The following FGF12 variants were observed in gnomAD, a reference collection of about 807,000 sequenced individuals.
The protein encoded by FGF12 is fibroblast growth factor 12, also known as fibroblast growth factor 12B.
Under a neutral mutation model 23.6 loss-of-function variants are expected in FGF12, and 14 were observed. That is an observed-to-expected ratio of 0.59 (90% CI 0.39 to 0.93). FGF12 has a LOEUF of 0.93. Ranked by LOEUF, FGF12 falls within the 40% of genes least tolerant of loss-of-function variation. The probability of loss-of-function intolerance (pLI) is 0.00; values close to 1 mark genes in which losing one functional copy is unlikely to be tolerated. For missense variants in FGF12, 175 were observed against 217.8 expected, an observed-to-expected ratio of 0.80 and a Z score of 1.24; for synonymous variants, 62 against 77.3, an observed-to-expected ratio of 0.80 and a Z score of 1.04.
At chr3:192,278,857 T>C (rs144484580) in intron 4 of FGF12, among the ~76,000 whole-genome samples, 15 of 152,250 alleles carry the variant, frequency 9.9e-5, no homozygotes, top group African/African-American at 3.6e-4. Flanking sequence ...AATTCTCTGG[T>C]TCCCTTCCTG....
intron 3 of FGF12, among the ~76,000 whole-genome samples, chr3:192,357,019 T>C (rs1178383506): frequency 6.6e-6 from 1 of 152,194 alleles, no homozygotes; most frequent in African/African-American, 2.4e-5. Context: ...AACATTTTAA[T>C]AAAAGCTATA....
chr3:192,194,031 A>G (rs1363421469), intron 4 of FGF12, among the ~76,000 whole-genome samples: 1 of 152,246 alleles, frequency 6.6e-6, no homozygotes, highest in Non-Finnish European at 1.5e-5. Context: ...TCTCCAACTC[A>G]TACAGCCCTG....
intron 2 of FGF12, among the ~76,000 whole-genome samples, chr3:192,677,767 G>A (rs369256601): frequency 3.8e-4 from 58 of 152,224 alleles, no homozygotes; most frequent in Middle Eastern, 3.4e-3. Context: ...CCTGTCTTCC[G>A]TCTCACACAG....
intron 2 of FGF12, among the ~76,000 whole-genome samples, chr3:192,411,325 T>C (rs1195865559): frequency 6.6e-6 from 1 of 152,158 alleles, no homozygotes; most frequent in Non-Finnish European, 1.5e-5. Context: ...TAGAGGCTCA[T>C]GGGACAAACA....
At position 192,522,702 on chromosome 3, in the gene FGF12, A is replaced by G. The variant is rs1466747951; in HGVS notation, c.14-162164T>C. Among the ~76,000 whole-genome samples the G allele has an allele frequency of 2.6e-5, 4 of 152,254 alleles. No individual in the cohort carries two copies. The East Asian group carries it at 7.7e-4, about 29-fold the overall frequency. On this transcript the variant is annotated intron_variant, in intron 2 of 5. Transcript: ENST00000445105. ...TATTTGATAGTAGTGATACTAATCT[A>G]TCAATAAGGAACTAACTTACATTTT...
rs1440230726 is a variant in FGF12, at chr3:192,727,200, C to T, written c.-7G>A. 1 of 1,579,090 alleles carries T rather than the reference C, an allele frequency of 6.3e-7. No individual in the cohort carries two copies. Among genetic ancestry groups the T allele is most frequent in the East Asian group, 2.3e-5 (1 of 43,116 alleles). On this transcript the variant is annotated 5_prime_UTR_variant, in exon 2 of 6. Coordinates refer to ENST00000445105, the MANE Select transcript of FGF12 (RefSeq NM_004113.6). Reference sequence around the variant, plus strand: ...ACATACCTTTGCTCTCCATTTCGGTCCCTTTCGAGTGCTGGGAAGTTCAAT... The same window carrying T: ...ACATACCTTTGCTCTCCATTTCGGTTCCTTTCGAGTGCTGGGAAGTTCAAT...
chr3:192,431,834 A>G (rs183413212), intron 2 of FGF12, among the ~76,000 whole-genome samples: 1 of 152,318 alleles, frequency 6.6e-6, no homozygotes, highest in East Asian at 1.9e-4. Context: ...CTGGGATAAC[A>G]GCATTAACCT....
At chr3:192,372,907 C>T (rs899189112) in intron 2 of FGF12, among the ~76,000 whole-genome samples, 5 of 152,170 alleles carry the variant, frequency 3.3e-5, no homozygotes, top group African/African-American at 1.2e-4. Context: ...GCTCACTAAG[C>T]TCTAGGCACA....
intron 4 of FGF12, among the ~76,000 whole-genome samples, chr3:192,292,168 C>T (rs1024506880): frequency 9.2e-5 from 14 of 152,100 alleles, no homozygotes; most frequent in Non-Finnish European, 4.4e-5. Flanking sequence ...GTGTTATAAG[C>T]GACTTTCTAA....
intron 4 of FGF12, among the ~76,000 whole-genome samples, chr3:192,263,635 C>G (rs549862565): frequency 1.8e-4 from 27 of 151,636 alleles, no homozygotes; most frequent in Middle Eastern, 6.8e-3. Context: ...TTTTAATGCT[C>G]CATGAAGTTC....
At chr3:192,621,545 G>A (rs1714974875) in intron 2 of FGF12, among the ~76,000 whole-genome samples, 1 of 152,080 alleles carries the variant, frequency 6.6e-6, no homozygotes, top group African/African-American at 2.4e-5. Flanking sequence ...GGCTATTTTA[G>A]AGTAGAGATA....
chr3:192,698,353 T>C (rs1334060140), intron 2 of FGF12, among the ~76,000 whole-genome samples: 1 of 152,166 alleles, frequency 6.6e-6, no homozygotes, highest in Non-Finnish European at 1.5e-5. Context: ...TATAACCAAG[T>C]TTTGTTTATG....
At chr3:192,427,067 C>T (rs529557600) in intron 2 of FGF12, among the ~76,000 whole-genome samples, 5 of 152,076 alleles carry the variant, frequency 3.3e-5, no homozygotes, top group Admixed American at 2.0e-4. Context: ...TTTTCAATAA[C>T]GTTTGTAGAG....
chr3:192,708,023 G>T (rs932963214), intron 2 of FGF12, among the ~76,000 whole-genome samples: 1 of 152,074 alleles, frequency 6.6e-6, no homozygotes. Flanking sequence ...GCTGTGGCGC[G>T]ATCTCGGCTC....
intron 2 of FGF12, among the ~76,000 whole-genome samples, chr3:192,575,457 CA>C (rs1295914029): frequency 3.3e-5 from 5 of 152,080 alleles, no homozygotes; most frequent in African/African-American, 1.2e-4. Context: ...CTAATAGCCA[CA>C]GTGCAGTGGA....
chr3:192,220,097 G>C (rs1258544348), intron 4 of FGF12, among the ~76,000 whole-genome samples: 2 of 151,766 alleles, frequency 1.3e-5, no homozygotes, highest in Non-Finnish European at 2.9e-5. Context: ...CTTGACAATT[G>C]AATCTGTTTC....
Position 192,409,255 on chromosome 3 carries a change from A to G in FGF12, c.14-48717T>C, listed in dbSNP as rs564170845. Among the ~76,000 whole-genome samples, 4 of 152,188 alleles carry G rather than the reference A, an allele frequency of 2.6e-5. No homozygotes were observed. The highest frequency in any genetic ancestry group is 5.9e-5 in the Non-Finnish European group (4 of 68,036). ...GGGAATCCTAAATCTGGAATGACTC[A>G]GTAGTTTAAATAAGCCCCCTCAAAA... On this transcript the variant is annotated intron_variant, in intron 2 of 5. Transcript: ENST00000445105. The surrounding 1 kb of genome is among the most constrained non-coding windows in gnomAD (Gnocchi z 4.8).
chr3:192,187,251 G>A (rs538296619), intron 4 of FGF12, among the ~76,000 whole-genome samples: 2 of 152,154 alleles, frequency 1.3e-5, no homozygotes, highest in Admixed American at 6.5e-5. Context: ...TAGAGTCGAC[G>A]AGTTTTAGTT....
intron 2 of FGF12, among the ~76,000 whole-genome samples, chr3:192,440,060 G>A (rs1722159549): frequency 6.6e-6 from 1 of 151,968 alleles, no homozygotes; most frequent in Admixed American, 6.6e-5. Flanking sequence ...TGAGGTCCAG[G>A]GGCTGAGTGG....
Sources: gnomAD v4.1 joint callset for allele counts (sites outside exome capture counted in the v4.1 genomes callset) on GRCh38, gnomAD v4.1.1 for gene constraint, Gnocchi (gnomAD v3.1) non-coding constraint, MANE v1.5 for transcripts, NCBI Gene and HGNC (gene_info 2026-07-23, HGNC 2026-07-21) for gene names.